AUTS2: variants seen among roughly 807,000 people sequenced by gnomAD.
AUTS2 encodes the protein autism susceptibility gene 2 protein.
In AUTS2, 17 loss-of-function variants were observed where a neutral mutation model predicts 112.4. That is an observed-to-expected ratio of 0.15 (90% CI 0.10 to 0.23). The LOEUF is 0.23. Ranked by LOEUF, AUTS2 falls within the 10% of genes least tolerant of loss-of-function variation. The pLI is 1.00. For synonymous variants in AUTS2, 751 were observed against 702.7 expected, an observed-to-expected ratio of 1.07 and a Z score of -1.09; for missense variants, 1,510 against 1,701.6, an observed-to-expected ratio of 0.89 and a Z score of 1.98.
At chr7:70,318,350 G>A (rs1352359001) in intron 4 of AUTS2, among the ~76,000 whole-genome samples, 1 of 152,052 alleles carries the variant, frequency 6.6e-6, no homozygotes, top group Non-Finnish European at 1.5e-5. Flanking sequence ...AGATGAGCAT[G>A]GGGAGGAAAG....
intron 8 of AUTS2, among the ~76,000 whole-genome samples, 161 bp from the exon 9 acceptor site, chr7:70,765,953 T>C (rs1213251115): frequency 6.6e-6 from 1 of 152,086 alleles, no homozygotes; most frequent in East Asian, 1.9e-4. Flanking sequence ...CGGGCCTTGG[T>C]CTCGTCTGCT....
intron 4 of AUTS2, among the ~76,000 whole-genome samples, chr7:70,282,467 G>A (rs1409972804): frequency 7.9e-5 from 12 of 152,150 alleles, no homozygotes; most frequent in Admixed American, 7.9e-4. Flanking sequence ...CTAGTTTCTG[G>A]TTGTAGATGG....
intron 4 of AUTS2, among the ~76,000 whole-genome samples, chr7:70,210,204 G>T (rs879499464): frequency 6.6e-6 from 1 of 152,178 alleles, no homozygotes; most frequent in South Asian, 2.1e-4. Flanking sequence ...TGCAGATGCA[G>T]CACTTTTCTG....
At chr7:70,170,055 G>A (rs1808587383) in intron 4 of AUTS2, among the ~76,000 whole-genome samples, 1 of 151,158 alleles carries the variant, frequency 6.6e-6, no homozygotes, top group South Asian at 2.1e-4. Flanking sequence ...CAGGAGAGGG[G>A]AGGGAATTTC....
chr7:70,620,230 G>A (rs1804599202), intron 5 of AUTS2, among the ~76,000 whole-genome samples: 1 of 152,190 alleles, frequency 6.6e-6, no homozygotes, highest in African/African-American at 2.4e-5. Flanking sequence ...ATTTTTGACA[G>A]GTGGAATTTT....
At chr7:69,806,246 A>G (rs1455097949) in intron 1 of AUTS2, among the ~76,000 whole-genome samples, 2 of 139,028 alleles carry the variant, frequency 1.4e-5, no homozygotes. Flanking sequence ...CGTCACAACC[A>G]CAGAAGAAAG....
chr7:70,444,768 A>G (rs1362461449), intron 5 of AUTS2, among the ~76,000 whole-genome samples: 1 of 152,146 alleles, frequency 6.6e-6, no homozygotes, highest in Non-Finnish European at 1.5e-5. Context: ...GTTCTAAACC[A>G]GGCTTGACTC....
chr7:69,944,325 G>C (rs1796729844), intron 2 of AUTS2, among the ~76,000 whole-genome samples: 1 of 152,158 alleles, frequency 6.6e-6, no homozygotes, highest in African/African-American at 2.4e-5. Context: ...CCTACTTTGA[G>C]TCAGGTTTGG....
intron 1 of AUTS2, among the ~76,000 whole-genome samples, chr7:69,864,306 C>A (rs1208756082): frequency 2.0e-5 from 3 of 152,096 alleles, no homozygotes. Flanking sequence ...GAGAGCAAAT[C>A]AATTCCTAGT....
chr7:70,164,864 AG>A (rs1808300841), intron 4 of AUTS2, among the ~76,000 whole-genome samples: 2 of 152,118 alleles, frequency 1.3e-5, no homozygotes, highest in Non-Finnish European at 2.9e-5. Context: ...TAAAAAAAAA[AG>A]GTGACTGTTC....
intron 1 of AUTS2, among the ~76,000 whole-genome samples, chr7:69,743,825 C>T (rs1354073202): frequency 6.6e-6 from 1 of 152,146 alleles, no homozygotes; most frequent in South Asian, 2.1e-4. Flanking sequence ...GAGATAGGAT[C>T]TTGCTCTGTC....
intron 5 of AUTS2, among the ~76,000 whole-genome samples, chr7:70,566,658 A>C (rs1585310849): frequency 6.6e-6 from 1 of 152,214 alleles, no homozygotes; most frequent in East Asian, 1.9e-4. Context: ...CTAAGTTAGC[A>C]TGTCCAAAAT....
intron 2 of AUTS2, among the ~76,000 whole-genome samples, chr7:70,091,478 T>C (rs1803916553): frequency 6.6e-6 from 1 of 152,188 alleles, no homozygotes; most frequent in Non-Finnish European, 1.5e-5. Flanking sequence ...TAAATTTTTT[T>C]TAATAGGTCA....
At chr7:70,767,110 A>C (rs1789993817) in intron 9 of AUTS2, among the ~76,000 whole-genome samples, 1 of 152,140 alleles carries the variant, frequency 6.6e-6, no homozygotes, top group Non-Finnish European at 1.5e-5. Flanking sequence ...TATTAGAGTC[A>C]TTTTTTACTT....
At chr7:70,186,129 T>A (rs560220586) in intron 4 of AUTS2, among the ~76,000 whole-genome samples, 2 of 152,272 alleles carry the variant, frequency 1.3e-5, no homozygotes, top group South Asian at 4.2e-4. Flanking sequence ...TTGAAGTATG[T>A]TATTCATGTA....
rs187038350 is a variant in AUTS2 at position 70,452,856 on chromosome 7, A to C, written c.690+17075A>C. On this transcript the variant is annotated intron_variant, in intron 5 of 18. Transcript: ENST00000342771. Reference sequence around the variant, plus strand: ...CAGCAAAGACAGCCTTTATAATCTGAGTAGATTTCACCCATGTCCCCCTCC... The same window carrying C: ...CAGCAAAGACAGCCTTTATAATCTGCGTAGATTTCACCCATGTCCCCCTCC... Among the ~76,000 whole-genome samples, 6 of 152,318 alleles carry C rather than the reference A, an allele frequency of 3.9e-5. No homozygotes were observed. The East Asian group carries it at 1.2e-3, about 29-fold the overall frequency.
chr7:70,254,587 A>G (rs1786761308), intron 4 of AUTS2, among the ~76,000 whole-genome samples: 1 of 152,186 alleles, frequency 6.6e-6, no homozygotes, highest in Non-Finnish European at 1.5e-5. Context: ...CCGTTTGTAC[A>G]TGTTCCAATG....
intron 4 of AUTS2, among the ~76,000 whole-genome samples, chr7:70,275,459 T>C (rs1230406053): frequency 1.3e-5 from 2 of 152,104 alleles, no homozygotes; most frequent in Admixed American, 1.3e-4. Context: ...ATGAAAAAGT[T>C]CTGCAAATGA....
intron 4 of AUTS2, among the ~76,000 whole-genome samples, chr7:70,286,275 A>G (rs995833332): frequency 2.0e-5 from 3 of 152,198 alleles, no homozygotes; most frequent in Non-Finnish European, 4.4e-5. Flanking sequence ...AGCAACAGGA[A>G]GATACTGAAG....
Sources: allele counts gnomAD v4.1 joint callset (sites outside exome capture counted in the v4.1 genomes callset), GRCh38; gene constraint gnomAD v4.1.1; transcripts MANE v1.5; gene names NCBI Gene and HGNC (gene_info 2026-07-23, HGNC 2026-07-21).